RALYL: variants seen among roughly 807,000 people sequenced by gnomAD.
RALYL encodes the protein RALY RNA binding protein like, also known as RNA-binding Raly-like protein.
Under a neutral mutation model 35.1 loss-of-function variants are expected in RALYL, and 29 were observed. That is an observed-to-expected ratio of 0.83 (90% CI 0.61 to 1.13). The LOEUF (loss-of-function observed/expected upper bound fraction) is 1.13. RALYL is among the 50% of genes most tolerant of loss of function. The probability of loss-of-function intolerance (pLI) is 0.00; values close to 1 mark genes in which losing one functional copy is unlikely to be tolerated. For missense variants in RALYL, 359 were observed against 360.4 expected (o/e 1.00, Z 0.03); for synonymous variants, 120 against 127.6 (o/e 0.94, Z 0.40).
chr8:84,775,085 G>T (rs1461845006), intron 3 of RALYL, among the ~76,000 whole-genome samples: 1 of 152,092 alleles, frequency 6.6e-6, no homozygotes, highest in African/African-American at 2.4e-5. Flanking sequence ...GAGAAGCTGG[G>T]ATTGCAGGTG....
intron 1 of RALYL, among the ~76,000 whole-genome samples, chr8:84,500,388 T>C (rs1335847347): frequency 6.6e-6 from 1 of 152,186 alleles, no homozygotes; most frequent in Middle Eastern, 3.2e-3. Context: ...TATATATGTT[T>C]TTAAATGAAC....
chr8:84,301,201 A>C (rs1840709726), intron 1 of RALYL, among the ~76,000 whole-genome samples: 1 of 152,076 alleles, frequency 6.6e-6, no homozygotes, highest in African/African-American at 2.4e-5. Flanking sequence ...AATGCTGAAT[A>C]TAGGCCCATG....
intron 2 of RALYL, among the ~76,000 whole-genome samples, chr8:84,712,145 C>T (rs985508918): frequency 6.6e-6 from 1 of 152,040 alleles, no homozygotes; most frequent in African/African-American, 2.4e-5. Context: ...GTCTTCAGCC[C>T]TTTTTATTCT....
intron 8 of RALYL, among the ~76,000 whole-genome samples, chr8:84,897,729 A>G (rs1300657223): frequency 1.3e-5 from 2 of 152,212 alleles, no homozygotes; most frequent in East Asian, 3.8e-4. Flanking sequence ...CTTATTCATT[A>G]AAATAACAAC....
intron 2 of RALYL, among the ~76,000 whole-genome samples, chr8:84,715,176 A>C (rs1374245667): frequency 6.6e-6 from 1 of 151,894 alleles, no homozygotes; most frequent in Non-Finnish European, 1.5e-5. Flanking sequence ...TTCTAAATGA[A>C]TTGGGTAATG....
intron 2 of RALYL, among the ~76,000 whole-genome samples, chr8:84,649,048 G>C (rs1001965407): frequency 3.3e-5 from 5 of 151,826 alleles, no homozygotes; most frequent in African/African-American, 1.2e-4. Context: ...TTATTCTCAA[G>C]ACCTCCCTCC....
chr8:84,860,337 A>G (rs893370172), intron 5 of RALYL, among the ~76,000 whole-genome samples: 3 of 152,190 alleles, frequency 2.0e-5, no homozygotes, highest in Admixed American at 1.3e-4. Context: ...TGGTCCTGCT[A>G]AAAGAGCTTG....
intron 2 of RALYL, among the ~76,000 whole-genome samples, chr8:84,702,448 T>C (rs567330014): frequency 1.3e-5 from 2 of 152,144 alleles, no homozygotes; most frequent in South Asian, 4.2e-4. Flanking sequence ...ATTTTCAAAA[T>C]TGGGATAGAG....
intron 1 of RALYL, among the ~76,000 whole-genome samples, chr8:84,325,621 G>C (rs1327145273): frequency 6.6e-6 from 1 of 152,114 alleles, no homozygotes; most frequent in Non-Finnish European, 1.5e-5. Context: ...CCTGAATCTG[G>C]TCCTCCTGTA....
intron 2 of RALYL, among the ~76,000 whole-genome samples, chr8:84,543,181 TC>T (rs1345355919): frequency 6.6e-6 from 1 of 152,094 alleles, no homozygotes; most frequent in East Asian, 1.9e-4. Flanking sequence ...ACTGTGAACT[TC>T]CATCAGAAGG....
At chr8:84,444,908 T>A (rs1207947461) in intron 1 of RALYL, among the ~76,000 whole-genome samples, 1 of 152,122 alleles carries the variant, frequency 6.6e-6, no homozygotes, top group Non-Finnish European at 1.5e-5. Flanking sequence ...GCTATTCTTT[T>A]GAGAACTTAG....
At chr8:84,841,985 C>T (rs770461158) in intron 4 of RALYL, among the ~76,000 whole-genome samples, 14 of 152,040 alleles carry the variant, frequency 9.2e-5, no homozygotes, top group African/African-American at 2.4e-5. Flanking sequence ...GAGGGAAATT[C>T]ATAGCACTAA....
intron 1 of RALYL, among the ~76,000 whole-genome samples, chr8:84,399,074 T>C (rs2042631834): frequency 6.6e-6 from 1 of 152,186 alleles, no homozygotes; most frequent in Admixed American, 6.6e-5. Flanking sequence ...TAAAGTTGCC[T>C]AGATAAAATT....
At chr8:84,455,392 A>G (rs1200017296) in intron 1 of RALYL, among the ~76,000 whole-genome samples, 2 of 152,062 alleles carry the variant, frequency 1.3e-5, no homozygotes, top group Non-Finnish European at 2.9e-5. Flanking sequence ...AGAGAAGAAG[A>G]AACCTTTCAT....
chr8:84,383,012 T>C (rs1046428456), intron 1 of RALYL, among the ~76,000 whole-genome samples: 1 of 151,798 alleles, frequency 6.6e-6, no homozygotes, highest in African/African-American at 2.4e-5. Flanking sequence ...ATAGTCATTA[T>C]ATTCTCAGTG....
intron 1 of RALYL, among the ~76,000 whole-genome samples, chr8:84,430,805 A>G (rs1178565840): frequency 1.3e-5 from 2 of 152,122 alleles, no homozygotes; most frequent in Non-Finnish European, 2.9e-5. Flanking sequence ...TTATGGTGGT[A>G]AGGAAAATGT....
At chr8:84,416,593 G>A (rs2044731549) in intron 1 of RALYL, among the ~76,000 whole-genome samples, 1 of 152,088 alleles carries the variant, frequency 6.6e-6, no homozygotes, top group Admixed American at 6.6e-5. Flanking sequence ...GTAAATGTGG[G>A]ATTACTTTTA....
At chr8:84,680,140 G>T (rs1314640088) in intron 2 of RALYL, among the ~76,000 whole-genome samples, 1 of 152,160 alleles carries the variant, frequency 6.6e-6, no homozygotes, top group East Asian at 1.9e-4. Context: ...TGAGAATGAT[G>T]GTTTTCAGCT....
chr8:84,588,579 C>T (rs554189695), intron 2 of RALYL, among the ~76,000 whole-genome samples: 1 of 152,286 alleles, frequency 6.6e-6, no homozygotes, highest in South Asian at 2.1e-4. Flanking sequence ...GTGTAATGCT[C>T]AGCCAGTATT....
Sources: gnomAD v4.1 joint callset for allele counts (sites outside exome capture counted in the v4.1 genomes callset) on GRCh38, gnomAD v4.1.1 for gene constraint, MANE v1.5 for transcripts, NCBI Gene and HGNC (gene_info 2026-07-23, HGNC 2026-07-21) for gene names.